The following PIH1D2 variants were observed in gnomAD, a reference collection of about 807,000 sequenced individuals.
PIH1D2 encodes PIH1 domain-containing protein 2.
A neutral mutation model predicts 31.2 loss-of-function variants in PIH1D2; 25 were observed. The ratio of observed to expected loss-of-function variants is 0.80; its 90% confidence interval spans 0.58 to 1.12. The LOEUF is 1.12. PIH1D2 is among the 50% of genes most tolerant of loss of function. The probability of loss-of-function intolerance (pLI) is 0.00; values close to 1 mark genes in which losing one functional copy is unlikely to be tolerated. For synonymous variants in PIH1D2, 116 were observed against 119.9 expected, an observed-to-expected ratio of 0.97 and a Z score of 0.21; for missense variants, 310 against 356.6, an observed-to-expected ratio of 0.87 and a Z score of 1.05.
downstream of PIH1D2, chr11:112,059,965 T>C: frequency 6.2e-7 from 1 of 1,613,856 alleles, no homozygotes; most frequent in Non-Finnish European, 8.5e-7. Flanking sequence ...ACACCTATTG[T>C]GTTTAATGCA....
At chr11:112,063,876 C>A, downstream of PIH1D2, 1 of 258,130 alleles carries the variant, frequency 3.9e-6, no homozygotes, top group Non-Finnish European at 7.2e-6. Context: ...TTTATGACTA[C>A]TTAAAATGAA....
At chr11:112,055,020 C>T in the PIH1D2 span, among the ~76,000 whole-genome samples, 1 of 152,122 alleles carries the variant, frequency 6.6e-6, no homozygotes, top group African/African-American at 2.4e-5. Flanking sequence ...ATTATACCTT[C>T]AGAGACCTTT....
chr11:112,067,832 CTT>C lies in PIH1D2; in HGVS notation c.*37_*38del. 1 of 1,608,380 alleles carries C rather than the reference CTT, an allele frequency of 6.2e-7. No homozygotes were observed. Among genetic ancestry groups the C allele is most frequent in the Non-Finnish European group, 8.5e-7 (1 of 1,177,970 alleles). Reference sequence around the variant, plus strand: ...AATGAAGGTCCTTTAATTCACATGACTTTAGCACTGAAAACCCAAAACATATG... The same window carrying C: ...AATGAAGGTCCTTTAATTCACATGACTAGCACTGAAAACCCAAAACATATG... On this transcript the variant is annotated 3_prime_UTR_variant, in exon 6 of 6. Transcript: ENST00000280350.
At chr11:112,058,561 C>T (rs1555182828), downstream of PIH1D2, among the ~76,000 whole-genome samples, 1 of 125,778 alleles carries the variant, frequency 8.0e-6, no homozygotes, top group Non-Finnish European at 1.5e-5. Flanking sequence ...CCCAAGGAGA[C>T]CACGGATAAA....
the PIH1D2 span, among the ~76,000 whole-genome samples, chr11:112,058,110 T>C: frequency 6.6e-6 from 1 of 152,340 alleles, no homozygotes; most frequent in African/African-American, 2.4e-5. Context: ...GGTTGTCTGT[T>C]AATTCTAACC....
chr11:112,055,623 C>T, the PIH1D2 span, among the ~76,000 whole-genome samples: 1 of 151,958 alleles, frequency 6.6e-6, no homozygotes, highest in African/African-American at 2.4e-5. Flanking sequence ...ACTGAACATA[C>T]CTTTCAGTTC....
the PIH1D2 span, among the ~76,000 whole-genome samples, chr11:112,057,292 A>G: frequency 2.0e-5 from 3 of 152,200 alleles, no homozygotes; most frequent in Admixed American, 6.5e-5. Context: ...TAACTCTACA[A>G]TGGCCTCTGA....
chr11:112,072,434 G>GC (rs1358865927), intron 2 of PIH1D2, among the ~76,000 whole-genome samples: 2 of 150,644 alleles, frequency 1.3e-5, no homozygotes, highest in African/African-American at 4.9e-5. Flanking sequence ...TGTGATCCCA[G>GC]CTACTTGGGA....
At chr11:112,067,685 A>AATATATATATATATATATATATATATAT (rs56048300), downstream of PIH1D2, 3 of 17,802 alleles carry the variant, frequency 1.7e-4, no homozygotes, top group African/African-American at 3.5e-4. Flanking sequence ...AAAAAAAAAA[A>AATATATATATATATATATATATATATAT]ATATATATAT....
At chr11:112,071,579 A>C (rs1338091485) in intron 3 of PIH1D2, 56 bp downstream of exon 3, 6 of 1,560,164 alleles carry the variant, frequency 3.8e-6, no homozygotes, top group Non-Finnish European at 5.3e-6. Context: ...ACCAAGTAAG[A>C]TCTTGTCCAT....
the PIH1D2 span, among the ~76,000 whole-genome samples, chr11:112,055,235 A>ATTTTT: frequency 6.6e-5 from 5 of 75,442 alleles, no homozygotes; most frequent in Non-Finnish European, 9.8e-5. Flanking sequence ...GTCAAGGCCT[A>ATTTTT]TTTTTTTTTT....
downstream of PIH1D2, among the ~76,000 whole-genome samples, chr11:112,058,452 T>C (rs1209044247): frequency 1.3e-5 from 2 of 152,134 alleles, no homozygotes; most frequent in African/African-American, 2.4e-5. Context: ...AGCTTGTGCC[T>C]AGAAAGAGCT....
the PIH1D2 span, among the ~76,000 whole-genome samples, chr11:112,055,648 G>A: frequency 6.6e-6 from 1 of 152,010 alleles, no homozygotes; most frequent in African/African-American, 2.4e-5. Context: ...CTTCTAGGAT[G>A]CTGTTTGGGC....
downstream of PIH1D2, chr11:112,064,150 CA>C: frequency 6.5e-7 from 1 of 1,547,982 alleles, no homozygotes; most frequent in Non-Finnish European, 8.7e-7. Context: ...CAATATGATC[CA>C]AATCTGGTTC....
chr11:112,058,625 T>TGGGGGGGGGGGGGGGGGGGG (rs1169416538), downstream of PIH1D2, among the ~76,000 whole-genome samples: 1 of 71,972 alleles, frequency 1.4e-5, no homozygotes, highest in Admixed American at 1.9e-4. Context: ...AAGGGGGGGG[T>TGGGGGGGGGGGGGGGGGGGG]GGGGGGGGGG....
the PIH1D2 span, among the ~76,000 whole-genome samples, chr11:112,054,239 C>T: frequency 1.3e-5 from 2 of 152,076 alleles, no homozygotes; most frequent in African/African-American, 2.4e-5. Context: ...TTGCTTGAAC[C>T]TGGGAGGCGG....
chr11:112,052,920 A>G, the PIH1D2 span, among the ~76,000 whole-genome samples: 1 of 152,158 alleles, frequency 6.6e-6, no homozygotes, highest in East Asian at 1.9e-4. Flanking sequence ...CTCATTATAA[A>G]TAACAAAACA....
At chr11:112,055,915 T>C in the PIH1D2 span, among the ~76,000 whole-genome samples, 1 of 127,570 alleles carries the variant, frequency 7.8e-6, no homozygotes, top group African/African-American at 2.9e-5. Context: ...TTTGCCAGGC[T>C]GGAGTGCAAT....
chr11:112,062,590 A>G (rs1864706711), downstream of PIH1D2: 8 of 1,581,988 alleles, frequency 5.1e-6, no homozygotes, highest in Admixed American at 5.0e-5. Flanking sequence ...TCTTAACAAG[A>G]TATTTATATG....
Sources: allele counts gnomAD v4.1 joint callset (sites outside exome capture counted in the v4.1 genomes callset), GRCh38; gene constraint gnomAD v4.1.1; transcripts MANE v1.5; gene names NCBI Gene and HGNC (gene_info 2026-07-23, HGNC 2026-07-21).